Variants in PHACTR3 observed in about 807,000 individuals in gnomAD.
The protein encoded by PHACTR3 is protein phosphatase 1, regulatory subunit 123.
Under a neutral mutation model 66.8 loss-of-function variants are expected in PHACTR3, and 16 were observed. The observed-to-expected ratio is 0.24, with a 90% CI of 0.16 to 0.36. PHACTR3 has a LOEUF of 0.36. PHACTR3 is among the 10% of genes least tolerant of loss of function. The pLI is 1.00. For missense variants in PHACTR3, 647 were observed against 719.9 expected (o/e 0.90, Z 1.16); for synonymous variants, 323 against 292.1 (o/e 1.11, Z -1.08).
intron 1 of PHACTR3, among the ~76,000 whole-genome samples, chr20:59,584,094 T>G (rs2032944623): frequency 6.6e-6 from 1 of 152,196 alleles, no homozygotes; most frequent in South Asian, 2.1e-4. Flanking sequence ...GGCAAGAAGG[T>G]GTCGTACTGG....
At chr20:59,679,604 T>C (rs2036573882) in intron 1 of PHACTR3, among the ~76,000 whole-genome samples, 1 of 152,104 alleles carries the variant, frequency 6.6e-6, no homozygotes, top group East Asian at 1.9e-4. Flanking sequence ...ATTAGTCCAT[T>C]TTTACACTGC....
At chr20:59,667,971 C>T (rs1473553932) in intron 1 of PHACTR3, among the ~76,000 whole-genome samples, 2 of 152,230 alleles carry the variant, frequency 1.3e-5, no homozygotes, top group Non-Finnish European at 2.9e-5. Flanking sequence ...CTTCCTAGAA[C>T]CACAGTTGCT....
intron 1 of PHACTR3, among the ~76,000 whole-genome samples, chr20:59,727,637 G>A (rs1207689101): frequency 6.6e-6 from 1 of 152,124 alleles, no homozygotes; most frequent in East Asian, 1.9e-4. Flanking sequence ...CTCCCTCTGA[G>A]CCTCACTTTT....
intron 1 of PHACTR3, among the ~76,000 whole-genome samples, chr20:59,726,006 C>T (rs568380695): frequency 5.3e-5 from 8 of 152,178 alleles, no homozygotes. Flanking sequence ...CTCCGACAGG[C>T]CTTCCAGAAC....
intron 1 of PHACTR3, among the ~76,000 whole-genome samples, chr20:59,583,927 G>T (rs571520846): frequency 6.6e-6 from 1 of 152,220 alleles, no homozygotes; most frequent in Admixed American, 6.5e-5. Flanking sequence ...GACGGTTCAC[G>T]CGTGGACATG....
chr20:59,805,983 C>G (rs563888051), intron 7 of PHACTR3, 58 bp from the exon 8 acceptor site: 1 of 1,547,616 alleles, frequency 6.5e-7, no homozygotes, highest in Non-Finnish European at 8.7e-7. Context: ...GCCAGCCCTC[C>G]GCTAAGACCT....
chr20:59,833,415 G>T (rs1275500943), intron 8 of PHACTR3, among the ~76,000 whole-genome samples: 1 of 152,234 alleles, frequency 6.6e-6, no homozygotes, highest in East Asian at 1.9e-4. Flanking sequence ...GTCACAGGTT[G>T]GGTTTTCTTG....
upstream of PHACTR3, among the ~76,000 whole-genome samples, chr20:59,601,788 T>C (rs1456373579): frequency 2.0e-5 from 3 of 152,266 alleles, no homozygotes; most frequent in Non-Finnish European, 4.4e-5. Flanking sequence ...GCTCCAGCTC[T>C]ACCTACCTTT....
intron 1 of PHACTR3, chr20:59,626,598 G>A (rs1026909717): frequency 6.6e-6 from 1 of 152,368 alleles, no homozygotes; most frequent in Non-Finnish European, 1.5e-5. Context: ...GTGAGTGATG[G>A]AAAGGGGCAA....
intron 7 of PHACTR3, among the ~76,000 whole-genome samples, chr20:59,781,607 G>A (rs938606036): frequency 2.0e-5 from 3 of 152,140 alleles, no homozygotes; most frequent in Admixed American, 6.5e-5. Context: ...GTGTGTCCCA[G>A]CGGCAAAAGA....
chr20:59,709,481 G>T (rs541695579), intron 1 of PHACTR3, among the ~76,000 whole-genome samples: 1 of 152,000 alleles, frequency 6.6e-6, no homozygotes, highest in South Asian at 2.1e-4. Context: ...AGAAGCCAGG[G>T]TTTTTTTTCC....
chr20:59,833,553 C>A (rs374933654), intron 8 of PHACTR3, among the ~76,000 whole-genome samples: 1 of 151,932 alleles, frequency 6.6e-6, no homozygotes, highest in Non-Finnish European at 1.5e-5. Flanking sequence ...CAACAAAGGG[C>A]GGGGGGAAGC....
intron 3 of PHACTR3, among the ~76,000 whole-genome samples, chr20:59,751,733 C>A (rs1450573535): frequency 6.6e-6 from 1 of 152,084 alleles, no homozygotes; most frequent in South Asian, 2.1e-4. Flanking sequence ...AGGAAGGACC[C>A]TGCTGGTGGC....
At chr20:59,581,894 A>C (rs563872902) in intron 1 of PHACTR3, among the ~76,000 whole-genome samples, 1 of 152,244 alleles carries the variant, frequency 6.6e-6, no homozygotes, top group East Asian at 1.9e-4. Flanking sequence ...AAAAAAAAAA[A>C]AAGTCCTAGC....
In PHACTR3 at chr20:59,814,888, ATTTGGGG is replaced by A. The variant is rs144634208; in HGVS notation, c.1328+8698_1328+8704del. On this transcript the variant is annotated intron_variant, in intron 8 of 12. Transcript: ENST00000371015. ...CTCCGCGGTTGGGCCTTGCTGAATA[ATTTGGGG>A]TTTTAGGTTGGGTACATCAAGGGTA... Among the ~76,000 whole-genome samples the A allele has an allele frequency of 5.8e-3, 883 of 152,084 alleles. 10 individuals are homozygous for A. The highest frequency in any genetic ancestry group is 0.019 in the African/African-American group (805 of 41,488).
chr20:59,591,464 A>G (rs2033180117), intron 1 of PHACTR3, among the ~76,000 whole-genome samples: 1 of 152,176 alleles, frequency 6.6e-6, no homozygotes, highest in African/African-American at 2.4e-5. Context: ...TAGGGTACAG[A>G]TGAGGAAACT....
In PHACTR3 at chr20:59,731,766, C is replaced by T. The variant is rs750620708; in HGVS notation, c.119-11341C>T. 3.9e-5 allele frequency among the ~76,000 whole-genome samples: 6 copies of T among 152,244 alleles called. No homozygotes were observed. The South Asian group carries it at 6.2e-4, about 16-fold the overall frequency. On this transcript the variant is annotated intron_variant, in intron 1 of 12. Transcript: ENST00000371015. ...TGTAGTCTTAATTTCAGCATCATTG[C>T]GTGCAGGGTGCCTTAGACAGCTAGA... is the stretch of plus-strand genomic sequence containing the variant.
intron 1 of PHACTR3, among the ~76,000 whole-genome samples, chr20:59,660,690 C>G (rs2035779534): frequency 6.6e-6 from 1 of 152,234 alleles, no homozygotes; most frequent in South Asian, 2.1e-4. Flanking sequence ...TGTTTTCTAT[C>G]ACTTCATCTC....
intron 8 of PHACTR3, among the ~76,000 whole-genome samples, chr20:59,813,424 G>A (rs1451841891): frequency 6.6e-6 from 1 of 152,206 alleles, no homozygotes; most frequent in Non-Finnish European, 1.5e-5. Flanking sequence ...TGCACCTGCA[G>A]AACGGGCCCA....
Sources: gnomAD v4.1 joint callset for allele counts (sites outside exome capture counted in the v4.1 genomes callset) on GRCh38, gnomAD v4.1.1 for gene constraint, MANE v1.5 for transcripts, NCBI Gene and HGNC (gene_info 2026-07-23, HGNC 2026-07-21) for gene names.